The following SPATS2L variants were observed in gnomAD, a reference collection of about 807,000 sequenced individuals.
SPATS2L encodes SPATS2-like protein.
In SPATS2L, 30 loss-of-function variants were observed where a neutral mutation model predicts 59.6. The observed-to-expected ratio is 0.50, with a 90% CI of 0.38 to 0.68. The LOEUF is 0.68. Among genes scored for constraint, SPATS2L ranks in the 30% least tolerant of loss-of-function variants. The pLI, the probability that SPATS2L is intolerant of heterozygous loss-of-function variation, is 0.00. For missense variants in SPATS2L, 615 were observed against 700.0 expected (o/e 0.88, Z 1.37); for synonymous variants, 252 against 263.5 (o/e 0.96, Z 0.42).
intron 1 of SPATS2L, among the ~76,000 whole-genome samples, chr2:200,318,006 A>G (rs1193901387): frequency 6.6e-6 from 1 of 152,200 alleles, no homozygotes; most frequent in Non-Finnish European, 1.5e-5. Context: ...TAAGGTAAGA[A>G]TGATTTTGAT....
chr2:200,456,220 G>C (rs909560607), intron 8 of SPATS2L, among the ~76,000 whole-genome samples: 2 of 152,214 alleles, frequency 1.3e-5, no homozygotes, highest in Admixed American at 6.5e-5. Flanking sequence ...TCCAAGCTGG[G>C]TCCTGAGTCA....
rs1221656147 is a variant in SPATS2L at position 200,479,920 on chromosome 2, C to T, written c.*1889C>T. 1 of 395,994 alleles carries T rather than the reference C, an allele frequency of 2.5e-6. No individual in the cohort carries two copies. The highest frequency in any genetic ancestry group is 4.4e-6 in the Non-Finnish European group (1 of 225,156). 24.5% of individuals were successfully genotyped at this position (395,994 alleles called of 1,614,324 possible). A position where few individuals can be genotyped will look rare whatever the true frequency, so the allele number is the denominator to read the frequency against. ...AAATTCTTAACGTTAAGTCACATTC[C>T]AGGAAGGAAGGAAGAGTTGTTCGTT... On this transcript the variant is annotated 3_prime_UTR_variant, in exon 13 of 13. Transcript: ENST00000409140.
chr2:200,449,342 T>C (rs1222309793), intron 8 of SPATS2L, among the ~76,000 whole-genome samples: 1 of 152,250 alleles, frequency 6.6e-6, no homozygotes, highest in Non-Finnish European at 1.5e-5. Context: ...GCACCTCTTA[T>C]TAATAGCCTT....
intron 1 of SPATS2L, among the ~76,000 whole-genome samples, chr2:200,317,801 C>T (rs1168359062): frequency 6.6e-6 from 1 of 152,152 alleles, no homozygotes; most frequent in Admixed American, 6.5e-5. Flanking sequence ...ACTTTTATTT[C>T]TATTCTTTGC....
intron 4 of SPATS2L, among the ~76,000 whole-genome samples, chr2:200,414,488 A>G (rs1488233184): frequency 6.6e-6 from 1 of 152,006 alleles, no homozygotes; most frequent in African/African-American, 2.4e-5. Flanking sequence ...TAATTAGTCT[A>G]GAGTGGTGAC....
intron 9 of SPATS2L, among the ~76,000 whole-genome samples, chr2:200,465,082 T>C (rs181633638): frequency 1.3e-5 from 2 of 152,370 alleles, no homozygotes. Context: ...CTAGGTGCCA[T>C]GGACACAAAG....
chr2:200,313,853 G>A (rs960744523), intron 1 of SPATS2L, among the ~76,000 whole-genome samples: 2 of 152,148 alleles, frequency 1.3e-5, no homozygotes, highest in African/African-American at 4.8e-5. Context: ...AACATTTGGT[G>A]TTCTTGACCA....
intron 2 of SPATS2L, among the ~76,000 whole-genome samples, chr2:200,361,901 T>C (rs1456579247): frequency 6.6e-6 from 1 of 152,168 alleles, no homozygotes; most frequent in Non-Finnish European, 1.5e-5. Flanking sequence ...TATTAGGACA[T>C]TTATACATAA....
intron 1 of SPATS2L, among the ~76,000 whole-genome samples, chr2:200,326,206 G>A (rs576108364): frequency 9.2e-5 from 14 of 152,276 alleles, no homozygotes; most frequent in African/African-American, 3.4e-4. Context: ...TGAACTCTGG[G>A]CTAAAGCTAT....
chr2:200,413,395 T>C (rs1192900751), intron 4 of SPATS2L, among the ~76,000 whole-genome samples: 1 of 152,238 alleles, frequency 6.6e-6, no homozygotes, highest in Non-Finnish European at 1.5e-5. Flanking sequence ...GGAATACGTT[T>C]ATCCTATAAT....
chr2:200,383,642 G>A (rs2081898251), intron 2 of SPATS2L, among the ~76,000 whole-genome samples: 1 of 152,058 alleles, frequency 6.6e-6, no homozygotes, highest in African/African-American at 2.4e-5. Flanking sequence ...TACCAACTTG[G>A]TCATTTTCCC....
chr2:200,383,818 A>G (rs1178285608), intron 2 of SPATS2L: 6 of 921,240 alleles, frequency 6.5e-6, no homozygotes, highest in Admixed American at 6.2e-5. Context: ...TGTTAAAATC[A>G]TTACTTAAAA....
chr2:200,402,387 A>G (rs1402324291), intron 3 of SPATS2L, among the ~76,000 whole-genome samples: 7 of 152,256 alleles, frequency 4.6e-5, no homozygotes, highest in Non-Finnish European at 7.4e-5. Context: ...TGCTCCAGCA[A>G]TCTTTGACCT....
chr2:200,473,370 C>T (rs936170033), intron 12 of SPATS2L, among the ~76,000 whole-genome samples: 2 of 152,158 alleles, frequency 1.3e-5, no homozygotes, highest in African/African-American at 2.4e-5. Context: ...CCTGGGGCCC[C>T]GAAACCAGCC....
At chr2:200,413,241 A>G (rs2082945998) in intron 4 of SPATS2L, among the ~76,000 whole-genome samples, 1 of 152,148 alleles carries the variant, frequency 6.6e-6, no homozygotes, top group South Asian at 2.1e-4. Flanking sequence ...ATTCTTTAAT[A>G]TCTTTAGTTT....
chr2:200,449,075 A>G (rs932055548), intron 8 of SPATS2L, among the ~76,000 whole-genome samples: 3 of 152,256 alleles, frequency 2.0e-5, no homozygotes, highest in African/African-American at 7.2e-5. Flanking sequence ...CCTGTAGTGC[A>G]GTATATTTCA....
At chr2:200,401,624 C>T (rs1487068437) in intron 3 of SPATS2L, among the ~76,000 whole-genome samples, 1 of 152,148 alleles carries the variant, frequency 6.6e-6, no homozygotes, top group Non-Finnish European at 1.5e-5. Flanking sequence ...GCCTCATCCA[C>T]TGTCCCTTAC....
At chr2:200,311,197 A>G (rs1057496076) in intron 1 of SPATS2L, among the ~76,000 whole-genome samples, 4 of 152,242 alleles carry the variant, frequency 2.6e-5, no homozygotes, top group Admixed American at 1.3e-4. Context: ...CATGACCTCA[A>G]TAAATATTTG....
At chr2:200,436,499 A>T (rs2084301611) in intron 6 of SPATS2L, among the ~76,000 whole-genome samples, 1 of 152,174 alleles carries the variant, frequency 6.6e-6, no homozygotes, top group South Asian at 2.1e-4. Flanking sequence ...ACCTAAAAAA[A>T]ATCTCTACTC....
Sources: allele counts gnomAD v4.1 joint callset (sites outside exome capture counted in the v4.1 genomes callset), GRCh38; gene constraint gnomAD v4.1.1; transcripts MANE v1.5; gene names NCBI Gene and HGNC (gene_info 2026-07-23, HGNC 2026-07-21).